The following SHOX variants were observed in gnomAD, a reference collection of about 807,000 sequenced individuals.
The protein encoded by SHOX is SHOX homeobox.
A neutral mutation model predicts 29.6 loss-of-function variants in SHOX; 12 were observed. That is an observed-to-expected ratio of 0.41 (90% confidence interval 0.26 to 0.66). The LOEUF (loss-of-function observed/expected upper bound fraction) is 0.66. Ranked by LOEUF, SHOX falls within the 30% of genes least tolerant of loss-of-function variation. The pLI is 0.35. For synonymous variants in SHOX, 214 were observed against 200.6 expected, an observed-to-expected ratio of 1.07 and a Z score of -0.57; for missense variants, 499 against 437.7, an observed-to-expected ratio of 1.14 and a Z score of -1.25.
Position 645,390 on chromosome X carries a change from ATTTTTTTTTTTTTTTTTTTTT to A in SHOX, c.*767_*787del, listed in dbSNP as rs1168989193. The A allele has an allele frequency of 3.8e-5, 3 of 78,332 alleles. No homozygotes were observed. The highest frequency in any genetic ancestry group is 4.9e-5 in the African/African-American group (1 of 20,536). The allele number at this position is 78,332 out of a possible 1,614,324, so 4.9% of individuals were successfully genotyped here. On this transcript the variant is annotated 3_prime_UTR_variant, in exon 5 of 5. Coordinates refer to ENST00000686671, the MANE Select transcript of SHOX (RefSeq NM_000451.4). ...GGGTCTGGTTTTGTTTTGGATTGGTATTTTTTTTTTTTTTTTTTTTTTTTTTTTTTTTTGCTGTGTTACAGG... is the reference window on the plus strand; with the variant it reads ...GGGTCTGGTTTTGTTTTGGATTGGTATTTTTTTTTTTTGCTGTGTTACAGG...
chrX:640,923 C>A lies in SHOX; in HGVS notation c.544+45C>A, dbSNP rs374013002. ...GGACCTGAAGCTGGGGGATCCTGCT[C>A]CAGGAGGGATGGGGTCGACGAGGTG... On this transcript the variant is annotated intron_variant, in intron 3 of 4. Transcript: ENST00000686671. 1,571 of 1,613,032 alleles carry A rather than the reference C, an allele frequency of 9.7e-4. 6 individuals carry two copies. The highest frequency in any genetic ancestry group is 1.1e-3 in the Non-Finnish European group (1,249 of 1,179,150).
chrX:650,557 T>C lies in SHOX; in HGVS notation c.*5921T>C, dbSNP rs749206728. ...ATGAAAGGGAAATACCAGAGTCCTC[T>C]GTCCTCGCCTCTGGGTTTCATGCTG... On this transcript the variant is annotated 3_prime_UTR_variant, in exon 5 of 5. Coordinates refer to ENST00000686671, the MANE Select transcript of SHOX (RefSeq NM_000451.4). Among the ~76,000 whole-genome samples the C allele has an allele frequency of 6.6e-6, 1 of 152,032 alleles. No homozygotes were observed. Among genetic ancestry groups the C allele is most frequent in the African/African-American group, 2.4e-5 (1 of 41,484 alleles).
At chrX:630,237 A>G (rs1460990431), upstream of SHOX, among the ~76,000 whole-genome samples, 2 of 151,708 alleles carry the variant, frequency 1.3e-5, no homozygotes, top group East Asian at 3.9e-4. Flanking sequence ...CCAACTCTCC[A>G]TCCAAGGGCG....
chrX:656,022 A>T (rs984401923), downstream of SHOX, among the ~76,000 whole-genome samples: 8 of 145,088 alleles, frequency 5.5e-5, no homozygotes, highest in African/African-American at 2.1e-4. Flanking sequence ...TCCAAAAAAT[A>T]AAACATTTAG....
In SHOX at chrX:648,792, G is replaced by A; in HGVS notation, c.*4156G>A. The stretch of plus-strand genomic sequence containing the variant: ...AGTGTGGGGTACGTGTATGCTAGCT[G>A]CTTCTTTCTCCCTGAAACTCTCGGA... On this transcript the variant is annotated 3_prime_UTR_variant, in exon 5 of 5. Transcript: ENST00000686671. Among the ~76,000 whole-genome samples, 1 of 152,030 alleles carries A rather than the reference G, an allele frequency of 6.6e-6. No individual in the cohort carries two copies. Among genetic ancestry groups the A allele is most frequent in the East Asian group, 1.9e-4 (1 of 5,188 alleles).
rs2052635519 is a variant in SHOX at position 630,925 on chromosome X, A to G, written c.28A>G (p.Lys10Glu). The G allele has an allele frequency of 6.2e-7, 1 of 1,613,622 alleles. No homozygotes were observed. Among genetic ancestry groups the G allele is most frequent in the Admixed American group, 1.7e-5 (1 of 60,006 alleles). The change falls in exon 1 of 5, where the codon AAG (lysine) becomes GAG (glutamate). Residue 10 changes from lysine to glutamate, a missense_variant. By Grantham distance (56) the Lys-to-Glu change is moderately conservative. Transcript: ENST00000686671. MEELTAFVSKSFDQKSKDGN... is the reference protein window; with the variant it reads MEELTAFVSESFDQKSKDGN... ...GGAAGAGCTCACGGCTTTTGTATCC[A>G]AGTCTTTTGACCAGAAAAGCAAGGA...
upstream of SHOX, among the ~76,000 whole-genome samples, chrX:625,861 T>C (rs1268361244): frequency 3.0e-5 from 4 of 133,216 alleles, no homozygotes; most frequent in Non-Finnish European, 5.0e-5. Context: ...TGTATCTCTG[T>C]CTATCTCTGT....
chrX:630,399 C>G (rs1211045520), upstream of SHOX: 5 of 154,650 alleles, frequency 3.2e-5, no homozygotes, highest in African/African-American at 9.6e-5. Context: ...GGAGCGAGGG[C>G]GGCCGGACGA....
upstream of SHOX, among the ~76,000 whole-genome samples, chrX:626,293 A>C (rs1321700580): frequency 1.3e-3 from 111 of 87,684 alleles, no homozygotes; most frequent in African/African-American, 2.0e-3. Flanking sequence ...CTGTGTCTCT[A>C]CCTCTGTCTC....
chrX:644,042 G>T (rs2124192830), intron 4 of SHOX, among the ~76,000 whole-genome samples: 1 of 151,796 alleles, frequency 6.6e-6, no homozygotes. Context: ...GGTTACGGGG[G>T]CTGGTTGGGG....
intron 1 of SHOX, among the ~76,000 whole-genome samples, chrX:633,191 G>C (rs1223138993): frequency 2.0e-5 from 3 of 152,086 alleles, no homozygotes; most frequent in Admixed American, 2.0e-4. Flanking sequence ...TGAGGTTACC[G>C]TGGAAGCCTG....
In SHOX at chrX:649,992, C is replaced by A; in HGVS notation, c.*5356C>A. 1 of 456,040 alleles carries A rather than the reference C, an allele frequency of 2.2e-6. No homozygotes were observed. The highest frequency in any genetic ancestry group is 1.5e-5 in the South Asian group (1 of 64,558). The allele number at this position is 456,040 out of a possible 1,614,324, so 28.2% of individuals were successfully genotyped here. ...GTATCGGATGTTGCTATTAGATTTT[C>A]TTTCTCCGTTCGAGTCTCTGACTGG... On this transcript the variant is annotated 3_prime_UTR_variant, in exon 5 of 5. Transcript: ENST00000686671.
chrX:637,691 C>T (rs2052782134), intron 2 of SHOX, among the ~76,000 whole-genome samples: 1 of 152,120 alleles, frequency 6.6e-6, no homozygotes, highest in South Asian at 2.1e-4. Context: ...AGTTCCAACA[C>T]CCACGTCCCG....
rs1410569712 is a variant in SHOX, at chrX:624,881, TCTTTCTTTCTTTCTTTCTTTCTCTCTTC to T, written c.-433+302_-433+329del. 1.3e-3 allele frequency among the ~76,000 whole-genome samples: 106 copies of T among 79,036 alleles called. 1 individual carries two copies. The highest frequency in any genetic ancestry group is 9.0e-4 in the Non-Finnish European group (38 of 42,340). The allele number at this position is 79,036 out of a possible 152,430, so 51.9% of individuals were successfully genotyped here. On this transcript the variant is annotated intron_variant, in intron 1 of 5. Transcript: ENST00000334060. Reference sequence around the variant, plus strand: ...TCTTTCTTTTCTTTCTTTCTTTCTTTCTTTCTTTCTTTCTTTCTTTCTCTCTTCCTTTCTTTCTTTCTTTCTTTCTTTT... The same window carrying T: ...TCTTTCTTTTCTTTCTTTCTTTCTTTCTTTCTTTCTTTCTTTCTTTCTTTT...
chrX:627,638 C>T (rs992204523), upstream of SHOX, among the ~76,000 whole-genome samples: 4 of 151,440 alleles, frequency 2.6e-5, no homozygotes, highest in African/African-American at 7.4e-5. Flanking sequence ...AGGGCCTTTG[C>T]TTTTTCTCCG....
exon 6 of SHOX, chrX:658,825 CATGAT>C (rs2053185997): frequency 2.4e-6 from 1 of 409,472 alleles, no homozygotes; most frequent in Admixed American, 2.6e-5. Flanking sequence ...AGTATAATGG[CATGAT>C]CTCGACTCAC....
In SHOX at chrX:630,951, C is replaced by T. The variant is rs368409954; in HGVS notation, c.54C>T (p.Asp18=). The T allele has an allele frequency of 2.5e-5, 40 of 1,613,816 alleles. No individual in the cohort carries two copies. In the African/African-American group the frequency reaches 4.9e-4, roughly 20 times the overall value. Residue 18 remains aspartate (D), a synonymous_variant, in exon 1 of 5, where the codon GAC becomes GAT. Transcript: ENST00000686671. ...AGTCTTTTGACCAGAAAAGCAAGGA[C>T]GGTAACGGCGGAGGCGGAGGCGGCG... ...VSKSFDQKSK[D]GNGGGGGGGG... is the part of the protein sequence containing the mutation.
chrX:634,360 G>A (rs1045924200), intron 1 of SHOX, among the ~76,000 whole-genome samples: 4 of 152,186 alleles, frequency 2.6e-5, no homozygotes, highest in Non-Finnish European at 5.9e-5. Context: ...GTTAGGTTAT[G>A]TCAACAGAGG....
downstream of SHOX, among the ~76,000 whole-genome samples, chrX:654,180 G>A (rs2053106060): frequency 6.6e-6 from 1 of 151,874 alleles, no homozygotes; most frequent in African/African-American, 2.4e-5. Context: ...GCTCACACCT[G>A]TAATCAAAGC....
Sources: allele counts gnomAD v4.1 joint callset (sites outside exome capture counted in the v4.1 genomes callset), GRCh38; gene constraint gnomAD v4.1.1; transcripts MANE v1.5; gene names NCBI Gene and HGNC (gene_info 2026-07-23, HGNC 2026-07-21).